TBX4: variants seen among roughly 807,000 people sequenced by gnomAD.
The protein encoded by TBX4 is T-box transcription factor 4, also known as T-box transcription factor TBX4.
In TBX4, 13 loss-of-function variants were observed where a neutral mutation model predicts 54.6. That is an observed-to-expected ratio of 0.24 (90% CI 0.15 to 0.38). TBX4 has a LOEUF of 0.38. Ranked by LOEUF, TBX4 falls within the 10% of genes least tolerant of loss-of-function variation. TBX4 has a pLI of 1.00. For synonymous variants in TBX4, 314 were observed against 306.7 expected (o/e 1.02, Z -0.25); for missense variants, 631 against 728.5 (o/e 0.87, Z 1.54).
At position 61,462,501 on chromosome 17, in the gene TBX4, G is replaced by T. The variant is rs2143811655; in HGVS notation, c.282-3318G>T. On this transcript the variant is annotated intron_variant, in intron 3 of 8. Coordinates refer to ENST00000644296, the MANE Select transcript of TBX4 (RefSeq NM_001321120.2). The surrounding 1 kb of genome is among the most constrained non-coding windows in gnomAD (Gnocchi z 4.5). ...GGGCTGGGAAGAGGGAGGGACAGGAGGACGGGGTGGGAGCAGGGAGAGGGT... is the reference window on the plus strand; with the variant it reads ...GGGCTGGGAAGAGGGAGGGACAGGATGACGGGGTGGGAGCAGGGAGAGGGT... Among the ~76,000 whole-genome samples the T allele has an allele frequency of 6.6e-6, 1 of 152,050 alleles. No individual in the cohort carries two copies. Among genetic ancestry groups the T allele is most frequent in the Middle Eastern group, 3.4e-3 (1 of 294 alleles).
chr17:61,454,801 G>T (rs1381677292), intron 1 of TBX4, among the ~76,000 whole-genome samples: 2 of 152,212 alleles, frequency 1.3e-5, no homozygotes, highest in South Asian at 4.1e-4. Flanking sequence ...TGTGACAAGA[G>T]CCCAGCAGAG....
chr17:61,467,755 C>A, intron 5 of TBX4, 98 bp downstream of exon 5: 1 of 1,501,770 alleles, frequency 6.7e-7, no homozygotes, highest in Non-Finnish European at 9.2e-7. Context: ...ACTCCGGGAT[C>A]CAGCTCCAGG....
chr17:61,452,953 G>A (rs1034337176), intron 1 of TBX4: 3 of 985,298 alleles, frequency 3.0e-6, no homozygotes, highest in Non-Finnish European at 2.4e-6. Flanking sequence ...CAAGGAAGAG[G>A]GCCCCGGTAC....
chr17:61,480,085 TTCAGCAAA>T lies in TBX4; in HGVS notation c.792-4_795del. On this transcript the variant is annotated splice_acceptor_variant and splice_polypyrimidine_tract_variant and coding_sequence_variant and intron_variant, in exon 8 of 9. Transcript: ENST00000644296. LOFTEE classifies it high-confidence loss of function. This position sits in a 1 kb window ranked among gnomAD's most constrained non-coding sequence, Gnocchi z 6.2. ...TCTCTCCTCCTGTCCTCCCCACCCCTTCAGCAAAGAATACCCCGTGATTTCCAAAAGCA... is the reference window on the plus strand; with the variant it reads ...TCTCTCCTCCTGTCCTCCCCACCCCTGAATACCCCGTGATTTCCAAAAGCA... 3 of 1,613,808 alleles carry T rather than the reference TTCAGCAAA, an allele frequency of 1.9e-6. No homozygotes were observed. Among genetic ancestry groups the T allele is most frequent in the Non-Finnish European group, 2.5e-6 (3 of 1,179,864 alleles).
At position 61,478,824 on chromosome 17, in the gene TBX4, C is replaced by T. The variant is rs748985233; in HGVS notation, c.702+45C>T. 5 of 1,613,798 alleles carry T rather than the reference C, an allele frequency of 3.1e-6. No homozygotes were observed. Among genetic ancestry groups the T allele is most frequent in the Non-Finnish European group, 4.2e-6 (5 of 1,179,768 alleles). On this transcript the variant is annotated intron_variant, in intron 6 of 8. Transcript: ENST00000644296. The surrounding 1 kb of genome is among the most constrained non-coding windows in gnomAD (Gnocchi z 7.4). ...GCCCCACAGCCCCACTTAACACCAC[C>T]CTGCGTTCTCTTCCACCAGGCAGAG... is the stretch of plus-strand genomic sequence containing the variant.
Position 61,480,036 on chromosome 17 carries a change from C to T in TBX4, c.792-54C>T, listed in dbSNP as rs555756252. On this transcript the variant is annotated intron_variant, in intron 7 of 8. Coordinates refer to ENST00000644296, the MANE Select transcript of TBX4 (RefSeq NM_001321120.2). The surrounding 1 kb of genome is among the most constrained non-coding windows in gnomAD (Gnocchi z 6.2). ...TCAGGCACGTGGCCTCTGTGACCCTCGATGTATCTTCACTCTCTTCCTGTC... is the reference window on the plus strand; with the variant it reads ...TCAGGCACGTGGCCTCTGTGACCCTTGATGTATCTTCACTCTCTTCCTGTC... The T allele has an allele frequency of 5.5e-5, 89 of 1,611,264 alleles. No individual in the cohort carries two copies. Among genetic ancestry groups the T allele is most frequent in the Non-Finnish European group, 6.7e-5 (79 of 1,177,468 alleles).
Position 61,482,804 on chromosome 17 carries a change from G to A in TBX4, c.1022-93G>A, listed in dbSNP as rs377378561. 512 of 1,573,750 alleles carry A rather than the reference G, an allele frequency of 3.3e-4. 4 individuals are homozygous for A. The East Asian group carries it at 9.9e-3, about 31-fold the overall frequency. ...GCAACATGGGGAGGGCGGGCGCAGA[G>A]GGACAAGGACAGGCTGTCCCAGCAT... On this transcript the variant is annotated intron_variant, in intron 8 of 8. Coordinates refer to ENST00000644296, the MANE Select transcript of TBX4 (RefSeq NM_001321120.2).
Position 61,483,191 on chromosome 17 carries a change from C to A in TBX4, c.1316C>A (p.Pro439Gln). 6.2e-7 allele frequency: 1 copy of A among 1,614,136 alleles called. No homozygotes were observed. ...AGCGTGCAGACGATGGAGACTGTGC[C>A]GTACCAGCCCTTCCCCACGCACTTC... Reference protein sequence around the residue: ...SYSVQTMETVPYQPFPTHFTA... With the variant: ...SYSVQTMETVQYQPFPTHFTA... Residue 439 changes from proline to glutamine, a missense_variant, in exon 9 of 9, where the codon CCG becomes CAG. Pro to Gln is a moderately conservative substitution (Grantham distance 76). This residue lies in a region of TBX4 where 354 missense variants were observed against 368.9 expected (regional missense o/e 0.96). Coordinates refer to ENST00000644296, the MANE Select transcript of TBX4 (RefSeq NM_001321120.2). This position sits in a 1 kb window ranked among gnomAD's most constrained non-coding sequence, Gnocchi z 6.6.
In TBX4 at chr17:61,480,126, G is replaced by A. The variant is rs778553600; in HGVS notation, c.828G>A (p.Arg276=). The change falls in exon 8 of 9, where the codon AGG becomes AGA. Residue 276 remains arginine, a synonymous_variant. Transcript: ENST00000644296. The surrounding 1 kb of genome is among the most constrained non-coding windows in gnomAD (Gnocchi z 6.2). ...EYPVISKSIM[R]QRLISPQLSA... Reference sequence around the variant, plus strand: ...CCGTGATTTCCAAAAGCATCATGAGGCAGAGGCTCATCTCCCCCCAGCTCT... The same window carrying A: ...CCGTGATTTCCAAAAGCATCATGAGACAGAGGCTCATCTCCCCCCAGCTCT... 54 of 1,613,896 alleles carry A rather than the reference G, an allele frequency of 3.3e-5. No homozygotes were observed. The Admixed American group carries it at 3.7e-4, about 11-fold the overall frequency.
intron 3 of TBX4, among the ~76,000 whole-genome samples, chr17:61,463,754 C>T (rs1167288748): frequency 1.3e-5 from 2 of 152,232 alleles, no homozygotes; most frequent in African/African-American, 2.4e-5. Context: ...GTGCAGGCCC[C>T]CGGTGCCAGG....
intron 1 of TBX4, 95 bp from the exon 2 acceptor site, chr17:61,456,393 C>T (rs1442987058): frequency 6.7e-7 from 1 of 1,502,398 alleles, no homozygotes; most frequent in Non-Finnish European, 9.0e-7. Context: ...TGCCTCCGCG[C>T]CCCGCACGAA....
At position 61,461,590 on chromosome 17, in the gene TBX4, C is replaced by T. The variant is rs1003609970; in HGVS notation, c.281+3959C>T. 6.6e-6 allele frequency among the ~76,000 whole-genome samples: 1 copy of T among 152,130 alleles called. No individual in the cohort carries two copies. The highest frequency in any genetic ancestry group is 2.4e-5 in the African/African-American group (1 of 41,424). ...GTGTACACACATATATAATTTTTAA[C>T]CTAAATGTATTGAAGTGGAACATTC... On this transcript the variant is annotated intron_variant, in intron 3 of 8. Coordinates refer to ENST00000644296, the MANE Select transcript of TBX4 (RefSeq NM_001321120.2). This position sits in a 1 kb window ranked among gnomAD's most constrained non-coding sequence, Gnocchi z 5.1.
intron 1 of TBX4, among the ~76,000 whole-genome samples, chr17:61,455,291 A>AGGGCC (rs920611707): frequency 6.6e-6 from 1 of 152,052 alleles, no homozygotes; most frequent in Non-Finnish European, 1.5e-5. Flanking sequence ...ATGCTCCGGG[A>AGGGCC]GGGCCCGGGG....
Position 61,462,473 on chromosome 17 carries a change from G to C in TBX4, c.282-3346G>C, listed in dbSNP as rs1483828792. Among the ~76,000 whole-genome samples the C allele has an allele frequency of 6.6e-6, 1 of 151,990 alleles. No individual in the cohort carries two copies. The highest frequency in any genetic ancestry group is 2.4e-5 in the African/African-American group (1 of 41,384). Reference sequence around the variant, plus strand: ...GTGCGGGGCACGTGGAAAGCGTGCCGAGGGGCTGGGAAGAGGGAGGGACAG... The same window carrying C: ...GTGCGGGGCACGTGGAAAGCGTGCCCAGGGGCTGGGAAGAGGGAGGGACAG... On this transcript the variant is annotated intron_variant, in intron 3 of 8. Coordinates refer to ENST00000644296, the MANE Select transcript of TBX4 (RefSeq NM_001321120.2). The surrounding 1 kb of genome is among the most constrained non-coding windows in gnomAD (Gnocchi z 4.5).
In TBX4 at chr17:61,476,229, GT is replaced by G. The variant is rs2060619074; in HGVS notation, c.550-2395del. ...CAGGTAGATAACACATGAGAAGTAA[GT>G]TTCAGAACTGGGCGTTCAGAGCAGG... On this transcript the variant is annotated intron_variant, in intron 5 of 8. Coordinates refer to ENST00000644296, the MANE Select transcript of TBX4 (RefSeq NM_001321120.2). This position sits in a 1 kb window ranked among gnomAD's most constrained non-coding sequence, Gnocchi z 6.5. 6.6e-6 allele frequency among the ~76,000 whole-genome samples: 1 copy of G among 152,242 alleles called. No individual in the cohort carries two copies. The highest frequency in any genetic ancestry group is 2.4e-5 in the African/African-American group (1 of 41,464).
intron 5 of TBX4, among the ~76,000 whole-genome samples, chr17:61,468,327 C>A (rs946433234): frequency 1.3e-5 from 2 of 152,186 alleles, no homozygotes; most frequent in Admixed American, 6.5e-5. Flanking sequence ...CCTGGAAAGT[C>A]CACAAAAAAG....
Position 61,478,232 on chromosome 17 carries a change from C to CTGAGA in TBX4, c.550-393_550-389dup. On this transcript the variant is annotated intron_variant, in intron 5 of 8. Transcript: ENST00000644296. This position sits in a 1 kb window ranked among gnomAD's most constrained non-coding sequence, Gnocchi z 7.4. ...GGCACAGAGAAGCCCAGTGACTTGT[C>CTGAGA]TGAGATCAAACAGTGACTCGGTGGC... The CTGAGA allele has an allele frequency of 3.3e-6, 1 of 306,402 alleles. No homozygotes were observed. Among genetic ancestry groups the CTGAGA allele is most frequent in the South Asian group, 3.3e-5 (1 of 30,730 alleles). 19.0% of individuals were successfully genotyped at this position (306,402 alleles called of 1,614,324 possible).
intron 5 of TBX4, among the ~76,000 whole-genome samples, chr17:61,471,771 G>A (rs978209534): frequency 1.3e-5 from 2 of 151,964 alleles, no homozygotes; most frequent in Non-Finnish European, 2.9e-5. Context: ...TGTTGCCCAG[G>A]CTGGAGTGCA....
rs1314958294 is a variant in TBX4 at position 61,484,795 on chromosome 17, C to A, written c.*1279C>A. 1 of 148,100 alleles carries A rather than the reference C, an allele frequency of 6.8e-6. No homozygotes were observed. The highest frequency in any genetic ancestry group is 2.5e-5 in the African/African-American group (1 of 40,710). The allele number at this position is 148,100 out of a possible 1,614,324, so 9.2% of individuals were successfully genotyped here. ...TATCGCTCTCTCTCACAAATGCAGG[C>A]CACATGTCAAATTCAGCTTTGCTTT... On this transcript the variant is annotated 3_prime_UTR_variant, in exon 9 of 9. Transcript: ENST00000644296. The surrounding 1 kb of genome is among the most constrained non-coding windows in gnomAD (Gnocchi z 4.1).
Sources: gnomAD v4.1 joint callset for allele counts (sites outside exome capture counted in the v4.1 genomes callset) on GRCh38, gnomAD v4.1.1 for gene constraint, gnomAD v4.1.1 regional missense constraint, Gnocchi (gnomAD v3.1) non-coding constraint, MANE v1.5 for transcripts, NCBI Gene and HGNC (gene_info 2026-07-23, HGNC 2026-07-21) for gene names.